The following CDH18 variants were observed in gnomAD, a reference collection of about 807,000 sequenced individuals.
The protein encoded by CDH18 is cadherin 18, also known as cadherin-18.
Under a neutral mutation model 67.9 loss-of-function variants are expected in CDH18, and 31 were observed. The ratio of observed to expected loss-of-function variants is 0.46; its 90% confidence interval spans 0.34 to 0.62. The LOEUF is 0.62. Ranked by LOEUF, CDH18 falls within the 20% of genes least tolerant of loss-of-function variation. The pLI is 0.01. For synonymous variants in CDH18, 362 were observed against 347.2 expected (o/e 1.04, Z -0.48); for missense variants, 890 against 975.5 (o/e 0.91, Z 1.17).
At chr5:20,141,634 G>A (rs919669735) in intron 2 of CDH18, among the ~76,000 whole-genome samples, 6 of 152,184 alleles carry the variant, frequency 3.9e-5, no homozygotes, top group Middle Eastern at 3.4e-3. Flanking sequence ...TTGAATTATT[G>A]GAACCAAACA....
intron 1 of CDH18, among the ~76,000 whole-genome samples, chr5:20,475,168 T>C (rs1752351613): frequency 6.6e-6 from 1 of 152,336 alleles, no homozygotes; most frequent in East Asian, 1.9e-4. Context: ...AATATACAAT[T>C]TTTATATAAG....
At chr5:20,020,154 G>C (rs190102785) in intron 2 of CDH18, among the ~76,000 whole-genome samples, 3 of 152,114 alleles carry the variant, frequency 2.0e-5, no homozygotes, top group Admixed American at 6.5e-5. Flanking sequence ...TTCAAGAAGT[G>C]GCCTGGCTGC....
At chr5:19,812,579 T>C (rs1480989970) in intron 3 of CDH18, among the ~76,000 whole-genome samples, 1 of 152,048 alleles carries the variant, frequency 6.6e-6, no homozygotes, top group African/African-American at 2.4e-5. Context: ...GTAGACGTCA[T>C]TACAGGAGAA....
Position 20,419,806 on chromosome 5 carries a change from T to G in CDH18, c.-580+155656A>C, listed in dbSNP as rs970536918. ...GACTCTTTTGGCACTTCAAGCTAAC[T>G]AGAATATATACATATATATCTTGTA... On this transcript the variant is annotated intron_variant, in intron 1 of 14. Coordinates refer to the CDH18 transcript ENST00000507958. Among the ~76,000 whole-genome samples the G allele has an allele frequency of 2.7e-4, 41 of 150,910 alleles. 3 individuals carry two copies. The highest frequency in any genetic ancestry group is 9.4e-4 in the African/African-American group (38 of 40,274).
intron 5 of CDH18, among the ~76,000 whole-genome samples, chr5:19,637,700 T>C (rs1326263091): frequency 6.6e-6 from 1 of 152,158 alleles, no homozygotes; most frequent in Non-Finnish European, 1.5e-5. Context: ...TATCCCGGCC[T>C]GCCTGTAGCA....
At chr5:20,142,130 C>T (rs897065569) in intron 2 of CDH18, among the ~76,000 whole-genome samples, 1 of 151,944 alleles carries the variant, frequency 6.6e-6, no homozygotes, top group Admixed American at 6.6e-5. Context: ...GATTTGTGGT[C>T]TCATCAAAAG....
At chr5:20,335,136 A>G (rs995804424) in intron 1 of CDH18, among the ~76,000 whole-genome samples, 15 of 152,038 alleles carry the variant, frequency 9.9e-5, no homozygotes, top group African/African-American at 3.4e-4. Context: ...CAAAGCCCCT[A>G]CAAGGCTTCC....
At chr5:20,515,761 A>C (rs1308627273) in intron 1 of CDH18, among the ~76,000 whole-genome samples, 1 of 152,084 alleles carries the variant, frequency 6.6e-6, no homozygotes, top group Admixed American at 6.6e-5. Context: ...CAGTTTCCCC[A>C]AAATGCATGG....
chr5:20,388,057 G>A (rs1744469080), intron 1 of CDH18, among the ~76,000 whole-genome samples: 1 of 152,056 alleles, frequency 6.6e-6, no homozygotes, highest in African/African-American at 2.4e-5. Context: ...GCCAGGCTTT[G>A]GTATCAGGAT....
intron 2 of CDH18, among the ~76,000 whole-genome samples, chr5:19,915,657 T>C (rs1579573707): frequency 6.6e-6 from 1 of 152,094 alleles, no homozygotes; most frequent in African/African-American, 2.4e-5. Context: ...ATTTACAGTA[T>C]TATACTGAAT....
intron 4 of CDH18, among the ~76,000 whole-genome samples, chr5:19,730,509 T>C (rs1186092870): frequency 6.6e-6 from 1 of 152,240 alleles, no homozygotes; most frequent in Non-Finnish European, 1.5e-5. Flanking sequence ...CATAATGAGA[T>C]ACTTTGGGGA....
At chr5:19,979,284 A>T (rs1256880715) in intron 2 of CDH18, among the ~76,000 whole-genome samples, 3 of 151,372 alleles carry the variant, frequency 2.0e-5, no homozygotes, top group African/African-American at 7.3e-5. Context: ...TGTATGAAGG[A>T]ATACTTTAAT....
chr5:20,417,051 G>A lies in CDH18; in HGVS notation c.-580+158411C>T, dbSNP rs377546741. ...ACACATTAAATGAGTTTCCTCATAA[G>A]TGTATGGATAACAACCATTTGATTT... On this transcript the variant is annotated intron_variant, in intron 1 of 14. Transcript: ENST00000507958. Among the ~76,000 whole-genome samples, 52 of 152,254 alleles carry A rather than the reference G, an allele frequency of 3.4e-4. 1 individual carries two copies. The East Asian group carries it at 5.0e-3, about 15-fold the overall frequency.
intron 1 of CDH18, among the ~76,000 whole-genome samples, chr5:20,484,837 A>T (rs979267752): frequency 1.3e-5 from 2 of 152,038 alleles, no homozygotes; most frequent in African/African-American, 4.8e-5. Context: ...GTTCAAAAAT[A>T]TAGCTAGATA....
chr5:20,421,647 G>T (rs575074052), intron 1 of CDH18, among the ~76,000 whole-genome samples: 2 of 150,892 alleles, frequency 1.3e-5, no homozygotes, highest in African/African-American at 5.0e-5. Context: ...CTTAAAAACT[G>T]CAGAGTCATG....
chr5:20,537,225 G>A (rs1002861925), intron 1 of CDH18, among the ~76,000 whole-genome samples: 1 of 151,988 alleles, frequency 6.6e-6, no homozygotes, highest in Non-Finnish European at 1.5e-5. Context: ...TAGAAAACTT[G>A]GGAATAAGGT....
intron 5 of CDH18, among the ~76,000 whole-genome samples, chr5:19,617,300 T>A (rs564515541): frequency 6.6e-6 from 1 of 152,330 alleles, no homozygotes; most frequent in East Asian, 1.9e-4. Flanking sequence ...AAAGATAGAA[T>A]AAACTATATA....
chr5:20,041,842 T>C (rs1052345762), intron 2 of CDH18, among the ~76,000 whole-genome samples: 3 of 152,244 alleles, frequency 2.0e-5, no homozygotes, highest in African/African-American at 4.8e-5. Flanking sequence ...AGAATAATAA[T>C]TCTGTTGAAT....
In CDH18 at chr5:20,003,959, CTA is replaced by C. The variant is rs538082695; in HGVS notation, c.-517-11947_-517-11946del. Among the ~76,000 whole-genome samples the C allele has an allele frequency of 1.7e-3, 256 of 152,270 alleles. 2 individuals are homozygous for C. Among genetic ancestry groups the C allele is most frequent in the Non-Finnish European group, 2.5e-3 (172 of 68,014 alleles). On this transcript the variant is annotated intron_variant, in intron 2 of 14. Coordinates refer to the CDH18 transcript ENST00000507958. ...AACAAAAGACATAATAACAAAATAA[CTA>C]TTTTTTCTTGTCAGCAAATCTAGTA...
Sources: gnomAD v4.1 joint callset for allele counts (sites outside exome capture counted in the v4.1 genomes callset) on GRCh38, gnomAD v4.1.1 for gene constraint, MANE v1.5 for transcripts, NCBI Gene and HGNC (gene_info 2026-07-23, HGNC 2026-07-21) for gene names.